The following SNTG1 variants were observed in gnomAD, a reference collection of about 807,000 sequenced individuals.
SNTG1 encodes gamma-1-syntrophin.
A neutral mutation model predicts 74.7 loss-of-function variants in SNTG1; 39 were observed. That is an observed-to-expected ratio of 0.52 (90% CI 0.40 to 0.68). The LOEUF (loss-of-function observed/expected upper bound fraction) is 0.68, where lower values mean the gene tolerates loss of function less well. SNTG1 is among the 30% of genes least tolerant of loss of function. The pLI is 0.00. For missense variants in SNTG1, 685 were observed against 609.5 expected, an observed-to-expected ratio of 1.12 and a Z score of -1.30; for synonymous variants, 254 against 217.1, an observed-to-expected ratio of 1.17 and a Z score of -1.49.
chr8:50,568,267 CATCT>C (rs1209242481), intron 12 of SNTG1, among the ~76,000 whole-genome samples: 8 of 76,092 alleles, frequency 1.1e-4, no homozygotes, highest in East Asian at 5.3e-4. Flanking sequence ...TCTATTTATC[CATCT>C]ATCTATCTAC....
At chr8:50,423,421 T>C (rs554879722) in intron 4 of SNTG1, among the ~76,000 whole-genome samples, 2 of 152,370 alleles carry the variant, frequency 1.3e-5, no homozygotes, top group East Asian at 3.9e-4. Flanking sequence ...TCATTGACTT[T>C]TTATAATTTA....
At position 50,203,200 on chromosome 8, in the gene SNTG1, T is replaced by A. The variant is rs140647553; in HGVS notation, c.-28+30565T>A. On this transcript the variant is annotated intron_variant, in intron 2 of 18. Coordinates refer to ENST00000642720, the MANE Select transcript of SNTG1 (RefSeq NM_018967.5). ...GATTCTGATGAATCCATCAAAGGCATGTTTCTGTTTCAGAGTTTTTCAGTT... is the reference window on the plus strand; with the variant it reads ...GATTCTGATGAATCCATCAAAGGCAAGTTTCTGTTTCAGAGTTTTTCAGTT... Among the ~76,000 whole-genome samples the A allele has an allele frequency of 7.9e-5, 12 of 152,308 alleles. No individual in the cohort carries two copies. In the East Asian group the frequency reaches 1.9e-3, roughly 24 times the overall value.
At chr8:50,453,504 G>A (rs750063655) in intron 8 of SNTG1, among the ~76,000 whole-genome samples, 1 of 152,104 alleles carries the variant, frequency 6.6e-6, no homozygotes, top group Non-Finnish European at 1.5e-5. Flanking sequence ...TGCACACATA[G>A]GGCTTCAATG....
intron 1 of SNTG1, among the ~76,000 whole-genome samples, chr8:50,077,642 C>A (rs147153781): frequency 2.6e-5 from 4 of 152,240 alleles, no homozygotes; most frequent in Admixed American, 2.6e-4. Flanking sequence ...GCAATTTATA[C>A]TATTGTCCAA....
intron 17 of SNTG1, among the ~76,000 whole-genome samples, chr8:50,733,175 A>C (rs551516856): frequency 6.6e-6 from 1 of 152,154 alleles, no homozygotes; most frequent in East Asian, 1.9e-4. Context: ...AAATGAGAAC[A>C]TGTGGAATTT....
chr8:50,727,954 C>A (rs954278328), intron 17 of SNTG1, among the ~76,000 whole-genome samples: 1 of 152,166 alleles, frequency 6.6e-6, no homozygotes, highest in South Asian at 2.1e-4. Context: ...GTTTACTGAT[C>A]TCTTGGTACA....
At chr8:50,081,174 T>A (rs184578502) in intron 1 of SNTG1, among the ~76,000 whole-genome samples, 204 of 152,270 alleles carry the variant, frequency 1.3e-3, no homozygotes, top group African/African-American at 4.6e-3. Flanking sequence ...CTAGCAACAG[T>A]TTTTTTCCAA....
intron 2 of SNTG1, among the ~76,000 whole-genome samples, chr8:50,267,875 G>A (rs6985863): frequency 0.89 from 135,568 of 152,158 alleles, 61,951 homozygotes; most frequent in East Asian, 1. Flanking sequence ...TCTTTCCCTA[G>A]AAATCATGAA....
At chr8:49,947,459 C>CA (rs1453866946) in intron 1 of SNTG1, among the ~76,000 whole-genome samples, 2 of 152,120 alleles carry the variant, frequency 1.3e-5, no homozygotes, top group Non-Finnish European at 2.9e-5. Context: ...TATGAGGGTC[C>CA]AAAGCAACCA....
chr8:49,999,109 C>T (rs1814512951), intron 1 of SNTG1, among the ~76,000 whole-genome samples: 1 of 152,152 alleles, frequency 6.6e-6, no homozygotes. Context: ...ACCGAACCAT[C>T]ATTGTGGGAT....
intron 17 of SNTG1, among the ~76,000 whole-genome samples, chr8:50,732,498 G>A (rs539621849): frequency 1.5e-4 from 23 of 151,678 alleles, no homozygotes; most frequent in African/African-American, 5.6e-4. Context: ...ATACTCATCA[G>A]CATTATTTTA....
intron 18 of SNTG1, among the ~76,000 whole-genome samples, chr8:50,789,442 A>G (rs2131863449): frequency 6.6e-6 from 1 of 152,056 alleles, no homozygotes; most frequent in Non-Finnish European, 1.5e-5. Context: ...ACAGTGCTTT[A>G]CCTACCATCT....
At chr8:50,510,172 T>A (rs1435764972) in intron 9 of SNTG1, among the ~76,000 whole-genome samples, 1 of 152,218 alleles carries the variant, frequency 6.6e-6, no homozygotes, top group Non-Finnish European at 1.5e-5. Context: ...ATTGACATAA[T>A]CATATGGTTT....
chr8:50,434,813 C>T (rs760016982), intron 4 of SNTG1, among the ~76,000 whole-genome samples: 4 of 152,216 alleles, frequency 2.6e-5, no homozygotes, highest in African/African-American at 9.6e-5. Flanking sequence ...TATTAACATT[C>T]TCTATTTTCT....
chr8:50,664,010 C>CT (rs1384111365), intron 15 of SNTG1, among the ~76,000 whole-genome samples: 2 of 152,126 alleles, frequency 1.3e-5, no homozygotes, highest in East Asian at 1.9e-4. Context: ...TCCCCGAACT[C>CT]TAAGTATTCA....
Position 50,554,428 on chromosome 8 carries a change from G to GTTAT in SNTG1, c.810+1251_810+1252insATTT, listed in dbSNP as rs201712213. On this transcript the variant is annotated intron_variant, in intron 12 of 18. Coordinates refer to ENST00000642720, the MANE Select transcript of SNTG1 (RefSeq NM_018967.5). ...TGTCACGCTGCCTTTTGAATTTTTG[G>GTTAT]TTGATACATGTGGAAATGTGCTTCC... Among the ~76,000 whole-genome samples the GTTAT allele has an allele frequency of 5.4e-3, 819 of 151,080 alleles. 7 individuals are homozygous for GTTAT. The highest frequency in any genetic ancestry group is 0.019 in the African/African-American group (764 of 41,140).
At chr8:50,072,376 C>G (rs749639535) in intron 1 of SNTG1, among the ~76,000 whole-genome samples, 2 of 151,988 alleles carry the variant, frequency 1.3e-5, no homozygotes, top group South Asian at 2.1e-4. Context: ...CCATTTTACA[C>G]GTTATAAAAT....
At chr8:49,940,208 G>T (rs1808557960) in intron 1 of SNTG1, among the ~76,000 whole-genome samples, 1 of 152,126 alleles carries the variant, frequency 6.6e-6, no homozygotes, top group Non-Finnish European at 1.5e-5. Flanking sequence ...TGCACCAAAA[G>T]GTAGTCAGCT....
At chr8:50,246,451 C>A (rs192703128) in intron 2 of SNTG1, among the ~76,000 whole-genome samples, 1 of 151,784 alleles carries the variant, frequency 6.6e-6, no homozygotes, top group Admixed American at 6.6e-5. Flanking sequence ...GGAATAGAAC[C>A]AAGTCAATCC....
Sources: allele counts gnomAD v4.1 joint callset (sites outside exome capture counted in the v4.1 genomes callset), GRCh38; gene constraint gnomAD v4.1.1; transcripts MANE v1.5; gene names NCBI Gene and HGNC (gene_info 2026-07-23, HGNC 2026-07-21).